The following RPTOR variants were observed in gnomAD, a reference collection of about 807,000 sequenced individuals.
RPTOR encodes regulatory-associated protein of mTOR.
In RPTOR, 21 loss-of-function variants were observed where a neutral mutation model predicts 169.9. That is an observed-to-expected ratio of 0.12 (90% CI 0.09 to 0.18). RPTOR has a LOEUF of 0.18. Among genes scored for constraint, RPTOR ranks in the 10% least tolerant of loss-of-function variants. RPTOR has a pLI of 1.00. For missense variants in RPTOR, 1,133 were observed against 1,855.9 expected (o/e 0.61, Z 7.16); for synonymous variants, 732 against 753.2 (o/e 0.97, Z 0.46).
chr17:80,862,554 CATG>C (rs1197864985), intron 13 of RPTOR, among the ~76,000 whole-genome samples: 2 of 150,834 alleles, frequency 1.3e-5, no homozygotes, highest in Admixed American at 1.3e-4. Context: ...CTCCGCCCAC[CATG>C]ATGTCTGCTC....
chr17:80,877,642 G>A (rs2143821195), intron 13 of RPTOR, among the ~76,000 whole-genome samples: 1 of 152,350 alleles, frequency 6.6e-6, no homozygotes, highest in South Asian at 2.1e-4. Flanking sequence ...AAAGGAAGGT[G>A]CCTTCATTCT....
At chr17:80,761,555 G>T (rs1479401516) in intron 6 of RPTOR, among the ~76,000 whole-genome samples, 3 of 152,152 alleles carry the variant, frequency 2.0e-5, no homozygotes, top group South Asian at 2.1e-4. Context: ...TAAGTGGTTT[G>T]CAGTGCCTGT....
intron 3 of RPTOR, among the ~76,000 whole-genome samples, chr17:80,664,851 A>G (rs993817656): frequency 6.6e-6 from 1 of 152,228 alleles, no homozygotes; most frequent in African/African-American, 2.4e-5. Context: ...TTACAAAGTG[A>G]AATATACTTT....
At chr17:80,909,247 T>A (rs1355898020) in intron 21 of RPTOR, among the ~76,000 whole-genome samples, 2 of 152,110 alleles carry the variant, frequency 1.3e-5, no homozygotes, top group South Asian at 4.1e-4. Context: ...TTTTCTTTCT[T>A]TACTTAATTA....
At chr17:80,940,278 C>T (rs967229815) in intron 24 of RPTOR, 12 of 500,814 alleles carry the variant, frequency 2.4e-5, no homozygotes, top group African/African-American at 1.2e-4. Flanking sequence ...ATTTACACAG[C>T]GTTGACACTG....
At chr17:80,841,804 ACTCACCGCACGGCAGCTCACT>A (rs2067667673) in intron 10 of RPTOR, among the ~76,000 whole-genome samples, 1 of 39,806 alleles carries the variant, frequency 2.5e-5, no homozygotes, top group African/African-American at 1.0e-4. Flanking sequence ...GGCAGCTCAC[ACTCACCGCACGGCAGCTCACT>A]CTCACCGCAC....
At chr17:80,958,825 C>T (rs759539230) in intron 29 of RPTOR, among the ~76,000 whole-genome samples, 3 of 152,222 alleles carry the variant, frequency 2.0e-5, no homozygotes, top group South Asian at 2.1e-4. Flanking sequence ...AAGCAGGCCG[C>T]GCTCAGCAGA....
At chr17:80,602,727 C>T in intron 1 of RPTOR, 1 of 766,004 alleles carries the variant, frequency 1.3e-6, no homozygotes. Flanking sequence ...TTTGTTGAGC[C>T]TGGTGTCAAT....
At chr17:80,953,649 C>T (rs968319829) in intron 28 of RPTOR, among the ~76,000 whole-genome samples, 1 of 152,228 alleles carries the variant, frequency 6.6e-6, no homozygotes, top group Non-Finnish European at 1.5e-5. Flanking sequence ...GTCACCCAGA[C>T]GCCACTTCCC....
At chr17:80,670,963 C>T (rs1484353494) in intron 3 of RPTOR, among the ~76,000 whole-genome samples, 1 of 152,176 alleles carries the variant, frequency 6.6e-6, no homozygotes, top group Non-Finnish European at 1.5e-5. Context: ...TGGAACTTAT[C>T]CTCGCCGGGG....
At chr17:80,642,116 C>T (rs1014703537) in intron 2 of RPTOR, among the ~76,000 whole-genome samples, 21 of 152,242 alleles carry the variant, frequency 1.4e-4, no homozygotes, top group Admixed American at 1.2e-3. Context: ...CCACTATGAG[C>T]CTGGCAACTT....
At chr17:80,762,849 T>TA (rs201492566) in intron 6 of RPTOR, among the ~76,000 whole-genome samples, 50 of 150,276 alleles carry the variant, frequency 3.3e-4, no homozygotes, top group Admixed American at 8.0e-4. Flanking sequence ...TTCTTCTCTC[T>TA]AAAAAAAAAC....
chr17:80,628,370 T>C (rs1308934787), intron 2 of RPTOR, among the ~76,000 whole-genome samples: 1 of 152,222 alleles, frequency 6.6e-6, no homozygotes, highest in Non-Finnish European at 1.5e-5. Flanking sequence ...GATTTCTGTT[T>C]GGAAAATTCT....
intron 24 of RPTOR, among the ~76,000 whole-genome samples, chr17:80,939,257 C>T (rs1019917330): frequency 1.3e-5 from 2 of 152,184 alleles, no homozygotes; most frequent in Admixed American, 6.5e-5. Flanking sequence ...CATCCTCCCG[C>T]GGAAAGTCAA....
chr17:80,798,657 C>T (rs570032345), intron 7 of RPTOR, among the ~76,000 whole-genome samples: 8 of 152,230 alleles, frequency 5.3e-5, no homozygotes, highest in South Asian at 2.1e-4. Flanking sequence ...CCCTATGATG[C>T]GCATTCACCT....
intron 13 of RPTOR, among the ~76,000 whole-genome samples, chr17:80,862,338 C>G (rs2143768711): frequency 6.6e-6 from 1 of 152,250 alleles, no homozygotes; most frequent in East Asian, 1.9e-4. Flanking sequence ...CCTCGCCCTT[C>G]CTTCCATCGT....
intron 10 of RPTOR, among the ~76,000 whole-genome samples, 172 bp from the exon 11 acceptor site, chr17:80,846,301 C>T (rs2067729359): frequency 6.6e-6 from 1 of 152,284 alleles, no homozygotes; most frequent in South Asian, 2.1e-4. Flanking sequence ...CCCGCAGGCT[C>T]TCCCTCTTTG....
chr17:80,763,264 A>G (rs2066753392), intron 6 of RPTOR, among the ~76,000 whole-genome samples: 1 of 152,144 alleles, frequency 6.6e-6, no homozygotes, highest in Non-Finnish European at 1.5e-5. Flanking sequence ...AATAATAATA[A>G]TAAAAAATAA....
intron 11 of RPTOR, 70 bp downstream of exon 11, chr17:80,846,644 C>T (rs1006621482): frequency 1.7e-5 from 22 of 1,300,290 alleles, no homozygotes; most frequent in South Asian, 6.1e-5. Flanking sequence ...TGTACAGCCC[C>T]GGGAGTGCCT....
Sources: gnomAD v4.1 joint callset for allele counts (sites outside exome capture counted in the v4.1 genomes callset) on GRCh38, gnomAD v4.1.1 for gene constraint, MANE v1.5 for transcripts, NCBI Gene and HGNC (gene_info 2026-07-23, HGNC 2026-07-21) for gene names.